KSR2: variants seen among roughly 807,000 people sequenced by gnomAD.
KSR2 encodes the protein kinase suppressor of ras 2.
KSR2 carries 25 observed loss-of-function variants against 107.8 expected under a neutral mutation model. That is an observed-to-expected ratio of 0.23 (90% CI 0.17 to 0.32). The LOEUF (loss-of-function observed/expected upper bound fraction) is 0.32, where lower values mean the gene tolerates loss of function less well. Among genes scored for constraint, KSR2 ranks in the 10% least tolerant of loss-of-function variants. KSR2 has a pLI of 1.00. For missense variants in KSR2, 887 were observed against 1,268.9 expected, an observed-to-expected ratio of 0.70 and a Z score of 4.57; for synonymous variants, 480 against 507.0, an observed-to-expected ratio of 0.95 and a Z score of 0.71.
At chr12:117,723,128 T>C (rs572622395) in intron 4 of KSR2, among the ~76,000 whole-genome samples, 25 of 152,088 alleles carry the variant, frequency 1.6e-4, no homozygotes, top group Non-Finnish European at 3.4e-4. Context: ...GAGGAATCCA[T>C]CCTCACCATT....
At chr12:117,725,334 A>T (rs1887382010) in intron 4 of KSR2, among the ~76,000 whole-genome samples, 2 of 152,318 alleles carry the variant, frequency 1.3e-5, no homozygotes, top group South Asian at 4.1e-4. Context: ...TCTTAAGAGC[A>T]GGCTAGTAGA....
chr12:117,968,886 C>A lies in KSR2; in HGVS notation c.-631G>T. 1 of 250,092 alleles carries A rather than the reference C, an allele frequency of 4.0e-6. No homozygotes were observed. The allele number at this position is 250,092 out of a possible 1,614,324, so 15.5% of individuals were successfully genotyped here. ...CTACTGCGGCTGGCTGCTGTCTCCT[C>A]CCCGCGCTGCTGCTGCTGCTGCTGC... On this transcript the variant is annotated 5_prime_UTR_variant, in exon 1 of 20. The change creates a premature stop within an existing upstream ORF in the 5' untranslated region. Transcript: ENST00000339824.
Position 117,562,101 on chromosome 12 carries a change from G to A in KSR2, c.1326-3528C>T, listed in dbSNP as rs534372125. On this transcript the variant is annotated intron_variant, in intron 7 of 19. Coordinates refer to ENST00000339824, the MANE Select transcript of KSR2 (RefSeq NM_173598.6). ...TGATGGGGTATGAGGGAGGTCCTTGGGTAGGTGTCAAGGGTAGGGGAAGCC... is the reference window on the plus strand; with the variant it reads ...TGATGGGGTATGAGGGAGGTCCTTGAGTAGGTGTCAAGGGTAGGGGAAGCC... 2.0e-5 allele frequency among the ~76,000 whole-genome samples: 3 copies of A among 152,270 alleles called. No individual in the cohort carries two copies. In the East Asian group the frequency reaches 5.8e-4, roughly 29 times the overall value.
Position 117,463,686 on chromosome 12 carries a change from C to T in KSR2, c.*3513G>A, listed in dbSNP as rs1036949281. 4 of 152,108 alleles carry T rather than the reference C, an allele frequency of 2.6e-5. No homozygotes were observed. Among genetic ancestry groups the T allele is most frequent in the Admixed American group, 2.6e-4 (4 of 15,266 alleles). 9.4% of individuals were successfully genotyped at this position (152,108 alleles called of 1,614,324 possible). On this transcript the variant is annotated 3_prime_UTR_variant, in exon 20 of 20. Transcript: ENST00000339824. ...GGCCTATGGGGCATAGCCTGACAGC[C>T]CTGGGTTTAGATTTCTCAAGATAAT...
chr12:117,556,235 T>C (rs1424094552), intron 8 of KSR2, among the ~76,000 whole-genome samples: 1 of 152,144 alleles, frequency 6.6e-6, no homozygotes, highest in South Asian at 2.1e-4. Flanking sequence ...GAGGGAGCCC[T>C]TCTTCAAATG....
rs534533195 is a variant in KSR2, at chr12:117,671,385, T to C, written c.987-3727A>G. 4.9e-4 allele frequency among the ~76,000 whole-genome samples: 75 copies of C among 152,318 alleles called. No individual in the cohort carries two copies. The South Asian group carries it at 6.6e-3, about 13-fold the overall frequency. On this transcript the variant is annotated intron_variant, in intron 4 of 19. Coordinates refer to ENST00000339824, the MANE Select transcript of KSR2 (RefSeq NM_173598.6). ...ACAGACGGCAGAGAGACAGACAGAT[T>C]GATGGCAACAGTTTCCTATTTTTTC...
intron 7 of KSR2, among the ~76,000 whole-genome samples, chr12:117,565,433 T>G (rs1455337589): frequency 2.0e-5 from 3 of 152,222 alleles, no homozygotes; most frequent in Non-Finnish European, 4.4e-5. Context: ...TTGAGCCAGG[T>G]GCTAAATTAC....
At chr12:117,877,081 AG>A (rs2137307097) in intron 1 of KSR2, among the ~76,000 whole-genome samples, 1 of 152,314 alleles carries the variant, frequency 6.6e-6, no homozygotes, top group African/African-American at 2.4e-5. Context: ...AGTGCTCAAA[AG>A]TTTCCGATTA....
At chr12:117,568,441 T>C (rs1473342578) in intron 7 of KSR2, among the ~76,000 whole-genome samples, 1 of 152,226 alleles carries the variant, frequency 6.6e-6, no homozygotes, top group African/African-American at 2.4e-5. Context: ...TAGCATTTAT[T>C]GCCGGCCTGC....
At chr12:117,686,887 G>C (rs932702111) in intron 4 of KSR2, among the ~76,000 whole-genome samples, 1 of 152,080 alleles carries the variant, frequency 6.6e-6, no homozygotes. Context: ...TGAAATCCAC[G>C]CATCAGAGCC....
chr12:117,875,163 T>A (rs1470203923), intron 1 of KSR2, among the ~76,000 whole-genome samples: 2 of 151,958 alleles, frequency 1.3e-5, no homozygotes, highest in Non-Finnish European at 2.9e-5. Flanking sequence ...ACAAAAAAAA[T>A]CAAAAAGTCA....
At chr12:117,548,251 G>T (rs1877024938) in intron 9 of KSR2, among the ~76,000 whole-genome samples, 1 of 151,960 alleles carries the variant, frequency 6.6e-6, no homozygotes, top group South Asian at 2.1e-4. Flanking sequence ...AATAACACAG[G>T]TTTGCATTGC....
chr12:117,966,756 A>T (rs1237610746), intron 1 of KSR2, among the ~76,000 whole-genome samples: 1 of 151,856 alleles, frequency 6.6e-6, no homozygotes, highest in Non-Finnish European at 1.5e-5. Context: ...AGCCAAATTT[A>T]AAAATCACGG....
chr12:117,730,173 G>A (rs1267173968), intron 4 of KSR2, among the ~76,000 whole-genome samples: 1 of 152,174 alleles, frequency 6.6e-6, no homozygotes, highest in African/African-American at 2.4e-5. Context: ...TGGTGGGCAA[G>A]ATTTGGGCCT....
In KSR2 at chr12:117,457,468, G is replaced by A. The variant is rs531104243; in HGVS notation, c.*9731C>T. On this transcript the variant is annotated 3_prime_UTR_variant, in exon 20 of 20. Transcript: ENST00000339824. ...GGCTATGCTGGAACTAGAGGACCGT[G>A]GCCCAGAAGCAATGCCTTGTGGAAT... 1 of 152,314 alleles carries A rather than the reference G, an allele frequency of 6.6e-6. No individual in the cohort carries two copies. Among genetic ancestry groups the A allele is most frequent in the South Asian group, 2.1e-4 (1 of 4,824 alleles). 9.4% of individuals were successfully genotyped at this position (152,314 alleles called of 1,614,324 possible).
intron 5 of KSR2, among the ~76,000 whole-genome samples, chr12:117,601,488 A>AC (rs773461205): frequency 3.9e-5 from 6 of 152,090 alleles, no homozygotes; most frequent in Admixed American, 6.6e-5. Flanking sequence ...GGACACAGAG[A>AC]CCCACACAGA....
intron 9 of KSR2, among the ~76,000 whole-genome samples, chr12:117,542,232 G>C (rs1174860752): frequency 6.6e-6 from 1 of 152,142 alleles, no homozygotes; most frequent in Non-Finnish European, 1.5e-5. Context: ...CACCTTGTAG[G>C]TCTGTTGTGA....
intron 4 of KSR2, among the ~76,000 whole-genome samples, chr12:117,744,588 G>C (rs564036409): frequency 1.3e-5 from 2 of 152,294 alleles, no homozygotes; most frequent in Admixed American, 1.3e-4. Context: ...CTAGCAGGAA[G>C]GGAAGGAAGA....
chr12:117,582,437 G>T, intron 5 of KSR2, 78 bp from the exon 6 acceptor site: 1 of 1,078,410 alleles, frequency 9.3e-7, no homozygotes, highest in Non-Finnish European at 1.4e-6. Flanking sequence ...GGAAGGAAAA[G>T]GGGGGCTCGT....
Sources: gnomAD v4.1 joint callset for allele counts (sites outside exome capture counted in the v4.1 genomes callset) on GRCh38, gnomAD v4.1.1 for gene constraint, MANE v1.5 for transcripts, NCBI Gene and HGNC (gene_info 2026-07-23, HGNC 2026-07-21) for gene names.